OSBPL3: variants seen among roughly 807,000 people sequenced by gnomAD.
OSBPL3 encodes oxysterol-binding protein-related protein 3.
A neutral mutation model predicts 120.1 loss-of-function variants in OSBPL3; 65 were observed. The observed-to-expected ratio is 0.54, with a 90% CI of 0.44 to 0.67. The LOEUF (loss-of-function observed/expected upper bound fraction) is 0.67, where lower values mean the gene tolerates loss of function less well. Ranked by LOEUF, OSBPL3 falls within the 30% of genes least tolerant of loss-of-function variation. The pLI is 0.00. For missense variants in OSBPL3, 1,004 were observed against 1,082.1 expected (o/e 0.93, Z 1.01); for synonymous variants, 416 against 402.6 (o/e 1.03, Z -0.40).
At chr7:24,961,035 G>C (rs1452257626) in intron 1 of OSBPL3, among the ~76,000 whole-genome samples, 1 of 151,990 alleles carries the variant, frequency 6.6e-6, no homozygotes, top group African/African-American at 2.4e-5. Context: ...TTTAAACCTG[G>C]AACAATTCTT....
At chr7:24,910,195 A>G (rs1584591361) in intron 1 of OSBPL3, among the ~76,000 whole-genome samples, 1 of 152,298 alleles carries the variant, frequency 6.6e-6, no homozygotes, top group East Asian at 1.9e-4. Context: ...TAGACATCCA[A>G]TCTTCAAATC....
chr7:24,979,778 T>G (rs546293904), intron 1 of OSBPL3, 108 bp downstream of exon 1: 5 of 592,928 alleles, frequency 8.4e-6, no homozygotes, highest in South Asian at 1.4e-4. Flanking sequence ...CAGACCCCGG[T>G]CCGGCAGAGA....
At chr7:24,917,475 A>G (rs1809846144) in intron 1 of OSBPL3, among the ~76,000 whole-genome samples, 1 of 140,806 alleles carries the variant, frequency 7.1e-6, no homozygotes, top group Non-Finnish European at 1.5e-5. Context: ...ATATACACAC[A>G]CACACACACA....
At chr7:24,878,170 T>C (rs1471791793) in intron 2 of OSBPL3, among the ~76,000 whole-genome samples, 1 of 152,230 alleles carries the variant, frequency 6.6e-6, no homozygotes, top group Non-Finnish European at 1.5e-5. Context: ...AGTGCACGAA[T>C]TGAAAGCACT....
rs1345870745 is a variant in OSBPL3 at position 24,804,391 on chromosome 7, T to C, written c.2491A>G (p.Arg831Gly). ...CTTTCTCTCTGCAGTTGTTCAATCC[T>C]CTGCTTTTGTATTTCAGCTTCTTCT... ...NLEEAEIQKQ[R>G]IEQLQRERRR... The change falls in exon 22 of 23, where the codon AGG becomes GGG. Residue 831 changes from arginine (R) to glycine (G), a missense_variant. Physicochemically the swap from Arg to Gly is moderately radical, Grantham distance 125 (BLOSUM62 -2). This residue lies in a region of OSBPL3 where 473 missense variants were observed against 568.0 expected (regional missense o/e 0.83). Coordinates refer to ENST00000313367, the MANE Select transcript of OSBPL3 (RefSeq NM_015550.4). The surrounding 1 kb of genome is among the most constrained non-coding windows in gnomAD (Gnocchi z 5.4). 1.9e-6 allele frequency: 3 copies of C among 1,613,920 alleles called. No individual in the cohort carries two copies. The highest frequency in any genetic ancestry group is 2.5e-6 in the Non-Finnish European group (3 of 1,179,840).
rs1483928374 is a variant in OSBPL3, at chr7:24,831,138, A to C, written c.1747-233T>G. 6.6e-6 allele frequency among the ~76,000 whole-genome samples: 1 copy of C among 152,198 alleles called. No homozygotes were observed. The highest frequency in any genetic ancestry group is 1.5e-5 in the Non-Finnish European group (1 of 68,038). ...GCTGTCCATTTATCTTGATGCCTAA[A>C]AGTTGGGAGATGCTATAAAGACGAT... On this transcript the variant is annotated intron_variant, in intron 15 of 22. Transcript: ENST00000313367. This position sits in a 1 kb window ranked among gnomAD's most constrained non-coding sequence, Gnocchi z 4.0.
rs1800940691 is a variant in OSBPL3 at position 24,863,867 on chromosome 7, T to G, written c.674-268A>C. On this transcript the variant is annotated intron_variant, in intron 7 of 22. Coordinates refer to ENST00000313367, the MANE Select transcript of OSBPL3 (RefSeq NM_015550.4). This position sits in a 1 kb window ranked among gnomAD's most constrained non-coding sequence, Gnocchi z 5.8. Reference sequence around the variant, plus strand: ...AAATTGCAAAACTGCATGCCTCAACTTCCTCATCAGAAAGATGGGGATAAT... The same window carrying G: ...AAATTGCAAAACTGCATGCCTCAACGTCCTCATCAGAAAGATGGGGATAAT... 6.6e-6 allele frequency among the ~76,000 whole-genome samples: 1 copy of G among 152,198 alleles called. No homozygotes were observed. Among genetic ancestry groups the G allele is most frequent in the Admixed American group, 6.5e-5 (1 of 15,272 alleles).
rs140114837 is a variant in OSBPL3 at position 24,898,789 on chromosome 7, T to C, written c.-149-6168A>G. Reference sequence around the variant, plus strand: ...AATCATGGAGCCTAATAACGAATTCTAGCCCAACCTCCGGCTTAAACAAAG... The same window carrying C: ...AATCATGGAGCCTAATAACGAATTCCAGCCCAACCTCCGGCTTAAACAAAG... On this transcript the variant is annotated intron_variant, in intron 1 of 22. Transcript: ENST00000313367. The surrounding 1 kb of genome is among the most constrained non-coding windows in gnomAD (Gnocchi z 4.3). Among the ~76,000 whole-genome samples the C allele has an allele frequency of 4.1e-3, 620 of 152,302 alleles. 3 individuals are homozygous for C. Among genetic ancestry groups the C allele is most frequent in the Middle Eastern group, 6.8e-3 (2 of 294 alleles).
At chr7:24,816,723 G>A (rs773068546) in intron 17 of OSBPL3, 35 bp from the exon 18 acceptor site, 1 of 1,344,276 alleles carries the variant, frequency 7.4e-7, no homozygotes, top group Admixed American at 1.7e-5. Flanking sequence ...ATTTTTAGCA[G>A]GAGAGGTAGG....
intron 2 of OSBPL3, among the ~76,000 whole-genome samples, chr7:24,884,795 C>T (rs1216908182): frequency 6.6e-6 from 1 of 152,158 alleles, no homozygotes; most frequent in African/African-American, 2.4e-5. Flanking sequence ...CACTGGCCAT[C>T]TGGCTCCAGA....
intron 1 of OSBPL3, among the ~76,000 whole-genome samples, chr7:24,904,424 A>T (rs906908412): frequency 6.6e-6 from 1 of 152,232 alleles, no homozygotes; most frequent in Non-Finnish European, 1.5e-5. Flanking sequence ...ACAATACAAC[A>T]ATGAAAATAT....
intron 16 of OSBPL3, among the ~76,000 whole-genome samples, chr7:24,826,491 G>A (rs116744386): frequency 2.7e-3 from 416 of 152,244 alleles, no homozygotes; most frequent in African/African-American, 9.5e-3. Context: ...CTGTACTCCA[G>A]TAGCTCTGAG....
rs1210989572 is a variant in OSBPL3 at position 24,964,106 on chromosome 7, T to TA, written c.-150+15779dup. 2.6e-5 allele frequency among the ~76,000 whole-genome samples: 4 copies of TA among 152,044 alleles called. No homozygotes were observed. The highest frequency in any genetic ancestry group is 2.1e-4 in the South Asian group (1 of 4,798). On this transcript the variant is annotated intron_variant, in intron 1 of 22. Coordinates refer to ENST00000313367, the MANE Select transcript of OSBPL3 (RefSeq NM_015550.4). The surrounding 1 kb of genome is among the most constrained non-coding windows in gnomAD (Gnocchi z 4.2). Reference sequence around the variant, plus strand: ...TAAATATCAATGGATCCACACTGATTAAAAAAAACTGATTGAATAAACAAA... The same window carrying TA: ...TAAATATCAATGGATCCACACTGATTAAAAAAAAACTGATTGAATAAACAAA...
rs1474152851 is a variant in OSBPL3 at position 24,877,377 on chromosome 7, G to C, written c.97-5308C>G. On this transcript the variant is annotated intron_variant, in intron 2 of 22. Transcript: ENST00000313367. This position sits in a 1 kb window ranked among gnomAD's most constrained non-coding sequence, Gnocchi z 4.8. ...AGGGAAATTAGCCTGTGCATTTTAAGGCTGCCAAGTCTTCGCCATTCATTT... is the reference window on the plus strand; with the variant it reads ...AGGGAAATTAGCCTGTGCATTTTAACGCTGCCAAGTCTTCGCCATTCATTT... Among the ~76,000 whole-genome samples the C allele has an allele frequency of 2.6e-5, 4 of 152,220 alleles. No individual in the cohort carries two copies. Among genetic ancestry groups the C allele is most frequent in the African/African-American group, 9.6e-5 (4 of 41,540 alleles).
intron 13 of OSBPL3, among the ~76,000 whole-genome samples, chr7:24,841,227 C>A (rs1442360342): frequency 6.6e-6 from 1 of 151,976 alleles, no homozygotes; most frequent in African/African-American, 2.4e-5. Context: ...AACTCTTATT[C>A]AGGAAAGGAT....
chr7:24,863,399 G>T lies in OSBPL3; in HGVS notation c.777+97C>A. On this transcript the variant is annotated intron_variant, in intron 8 of 22. Transcript: ENST00000313367. This position sits in a 1 kb window ranked among gnomAD's most constrained non-coding sequence, Gnocchi z 5.8. ...CTCCATCCCCTTGACTTTGGCTGAA[G>T]CAACTGACCACAGCATCCCACTGTT... is the stretch of plus-strand genomic sequence containing the variant. 7.3e-7 allele frequency: 1 copy of T among 1,374,508 alleles called. No homozygotes were observed. The highest frequency in any genetic ancestry group is 1.0e-6 in the Non-Finnish European group (1 of 962,240). The allele number at this position is 1,374,508 out of a possible 1,614,324, so 85.1% of individuals were successfully genotyped here.
Position 24,918,191 on chromosome 7 carries a change from G to C in OSBPL3, c.-149-25570C>G, listed in dbSNP as rs1160527659. ...TGTACAGACCTGAGAGGTCAAGAGA[G>C]TCATGAGAAACTGACCATCACATAA... On this transcript the variant is annotated intron_variant, in intron 1 of 22. Coordinates refer to ENST00000313367, the MANE Select transcript of OSBPL3 (RefSeq NM_015550.4). The surrounding 1 kb of genome is among the most constrained non-coding windows in gnomAD (Gnocchi z 4.3). The C allele has an allele frequency of 5.5e-6, 2 of 366,328 alleles. No individual in the cohort carries two copies. Among genetic ancestry groups the C allele is most frequent in the African/African-American group, 2.2e-5 (1 of 45,392 alleles). 22.7% of individuals were successfully genotyped at this position (366,328 alleles called of 1,614,324 possible).
chr7:24,938,094 T>C lies in OSBPL3; in HGVS notation c.-150+41792A>G, dbSNP rs137962859. Among the ~76,000 whole-genome samples, 154 of 152,360 alleles carry C rather than the reference T, an allele frequency of 1.0e-3. No individual in the cohort carries two copies. Among genetic ancestry groups the C allele is most frequent in the Middle Eastern group, 3.4e-3 (1 of 294 alleles). On this transcript the variant is annotated intron_variant, in intron 1 of 22. Transcript: ENST00000313367. The surrounding 1 kb of genome is among the most constrained non-coding windows in gnomAD (Gnocchi z 5.8). ...ATACAAGGGCTTATTTGCTATGGGC[T>C]GAAAGTTTCTGTCCCGCCAAAACTG...
rs1793317649 is a variant in OSBPL3 at position 24,808,270 on chromosome 7, A to G, written c.2318-1368T>C. Among the ~76,000 whole-genome samples the G allele has an allele frequency of 6.6e-6, 1 of 152,184 alleles. No individual in the cohort carries two copies. Among genetic ancestry groups the G allele is most frequent in the African/African-American group, 2.4e-5 (1 of 41,446 alleles). On this transcript the variant is annotated intron_variant, in intron 20 of 22. Transcript: ENST00000313367. The surrounding 1 kb of genome is among the most constrained non-coding windows in gnomAD (Gnocchi z 4.6). ...CTAATTCTCTGTGTATCCTAAGCAT[A>G]AAAATAGTAGCAAAGTTTCCTATGG...
Sources: gnomAD v4.1 joint callset for allele counts (sites outside exome capture counted in the v4.1 genomes callset) on GRCh38, gnomAD v4.1.1 for gene constraint, gnomAD v4.1.1 regional missense constraint, Gnocchi (gnomAD v3.1) non-coding constraint, MANE v1.5 for transcripts, NCBI Gene and HGNC (gene_info 2026-07-23, HGNC 2026-07-21) for gene names.